Variants in SASH1 observed in about 807,000 individuals in gnomAD.
The protein encoded by SASH1 is SAM and SH3 domain-containing protein 1.
SASH1 carries 44 observed loss-of-function variants against 125.2 expected under a neutral mutation model. The observed-to-expected ratio is 0.35, with a 90% CI of 0.28 to 0.45. The LOEUF (loss-of-function observed/expected upper bound fraction) is 0.45, where lower values mean the gene tolerates loss of function less well. Among genes scored for constraint, SASH1 ranks in the 20% least tolerant of loss-of-function variants. The pLI, the probability that SASH1 is intolerant of heterozygous loss-of-function variation, is 1.00. For missense variants in SASH1, 1,426 were observed against 1,614.5 expected, an observed-to-expected ratio of 0.88 and a Z score of 2.00; for synonymous variants, 639 against 649.1, an observed-to-expected ratio of 0.98 and a Z score of 0.24.
intron 1 of SASH1, among the ~76,000 whole-genome samples, chr6:148,273,793 C>CTGGAAG (rs1779120309): frequency 6.6e-6 from 1 of 152,198 alleles, no homozygotes; most frequent in Admixed American, 6.5e-5. Flanking sequence ...AGGTGGGCTT[C>CTGGAAG]TGGAAGGCTG....
chr6:148,534,177 G>A (rs1720165146), intron 15 of SASH1, among the ~76,000 whole-genome samples, 197 bp downstream of exon 15: 1 of 152,162 alleles, frequency 6.6e-6, no homozygotes, highest in Non-Finnish European at 1.5e-5. Context: ...CACTGCCCTT[G>A]ACCTCAGCTG....
chr6:148,423,322 G>T (rs1312715079), intron 2 of SASH1, among the ~76,000 whole-genome samples: 7 of 152,216 alleles, frequency 4.6e-5, no homozygotes, highest in African/African-American at 1.7e-4. Context: ...TGTGGCTGAT[G>T]ATTTCAGAAT....
intron 8 of SASH1, among the ~76,000 whole-genome samples, chr6:148,502,138 T>G (rs1331791986): frequency 6.6e-6 from 1 of 152,228 alleles, no homozygotes; most frequent in Admixed American, 6.5e-5. Context: ...TCCGTCTCTT[T>G]CTTCAAATCT....
At chr6:148,334,523 A>G (rs1456214829) in intron 1 of SASH1, among the ~76,000 whole-genome samples, 2 of 150,582 alleles carry the variant, frequency 1.3e-5, no homozygotes, top group African/African-American at 4.9e-5. Context: ...CTAATTTAAG[A>G]ATTCGAGGCC....
At chr6:148,428,512 C>T (rs982051352) in intron 2 of SASH1, among the ~76,000 whole-genome samples, 6 of 150,724 alleles carry the variant, frequency 4.0e-5, no homozygotes, top group Non-Finnish European at 7.4e-5. Context: ...ATCTGTAATC[C>T]CAGCTACTCG....
At chr6:148,506,011 T>C (rs1480172724) in intron 8 of SASH1, among the ~76,000 whole-genome samples, 3 of 150,858 alleles carry the variant, frequency 2.0e-5, no homozygotes, top group Non-Finnish European at 3.0e-5. Context: ...GCTCGTGATC[T>C]GCCCACCTCG....
At chr6:148,443,022 C>T (rs984690044) in intron 4 of SASH1, among the ~76,000 whole-genome samples, 83 of 151,856 alleles carry the variant, frequency 5.5e-4, no homozygotes, top group African/African-American at 1.8e-3. Flanking sequence ...ATGATCTGCC[C>T]GCCTCAGCCT....
chr6:148,395,216 T>G (rs989377581), intron 2 of SASH1, among the ~76,000 whole-genome samples: 1 of 152,136 alleles, frequency 6.6e-6, no homozygotes, highest in Non-Finnish European at 1.5e-5. Context: ...ATTTTGGAGA[T>G]TGAAGAAATA....
At chr6:148,398,297 A>G (rs1235030057) in intron 2 of SASH1, among the ~76,000 whole-genome samples, 2 of 152,182 alleles carry the variant, frequency 1.3e-5, no homozygotes, top group African/African-American at 2.4e-5. Flanking sequence ...GCCAAGGTGA[A>G]CTTGTTCTTG....
intron 2 of SASH1, among the ~76,000 whole-genome samples, chr6:148,397,746 G>A (rs1022579369): frequency 2.0e-5 from 3 of 152,150 alleles, no homozygotes; most frequent in African/African-American, 7.2e-5. Context: ...TGCCCAATAA[G>A]TATTTGTTGA....
chr6:148,443,033 C>T (rs1298513382), intron 4 of SASH1, among the ~76,000 whole-genome samples: 1 of 151,930 alleles, frequency 6.6e-6, no homozygotes, highest in Non-Finnish European at 1.5e-5. Flanking sequence ...GCCTCAGCCT[C>T]CCAAAGTGCT....
At chr6:148,509,286 T>C (rs1404494331) in intron 8 of SASH1, 1 of 211,302 alleles carries the variant, frequency 4.7e-6, no homozygotes, top group East Asian at 1.2e-4. Flanking sequence ...AGCTGAAGTA[T>C]GTATGTCTAA....
chr6:148,257,397 G>C, the SASH1 span, among the ~76,000 whole-genome samples: 1 of 152,180 alleles, frequency 6.6e-6, no homozygotes. Context: ...TCATCTTAGA[G>C]ACAAAAGTTG....
At chr6:148,285,368 G>A (rs1779455145) in intron 1 of SASH1, among the ~76,000 whole-genome samples, 1 of 152,162 alleles carries the variant, frequency 6.6e-6, no homozygotes, top group Non-Finnish European at 1.5e-5. Context: ...CCTTGCTATG[G>A]TTGTGGCGTG....
the SASH1 span, among the ~76,000 whole-genome samples, chr6:148,229,719 C>CTTTTTT: frequency 1.6e-5 from 2 of 121,412 alleles, no homozygotes; most frequent in Non-Finnish European, 3.3e-5. Flanking sequence ...CGTCAGAGCA[C>CTTTTTT]TTTTTTTTTT....
chr6:148,504,872 G>A lies in SASH1; in HGVS notation c.730-9452G>A, dbSNP rs74741027. On this transcript the variant is annotated intron_variant, in intron 8 of 19. Transcript: ENST00000367467. ...ACTCCCTGAGAGGCGTGGCAGTGAG[G>A]TTAAAAAGGGGTGGACAAGGTCGGC... Among the ~76,000 whole-genome samples the A allele has an allele frequency of 1.3e-3, 200 of 152,240 alleles. 5 individuals are homozygous for A. The East Asian group carries it at 0.026, about 20-fold the overall frequency.
intron 2 of SASH1, among the ~76,000 whole-genome samples, chr6:148,411,595 G>A (rs886186055): frequency 6.6e-6 from 1 of 152,132 alleles, no homozygotes; most frequent in Non-Finnish European, 1.5e-5. Context: ...CCAGGCTGGA[G>A]TGCAATGGTG....
At chr6:148,215,459 C>A in the SASH1 span, among the ~76,000 whole-genome samples, 1 of 152,162 alleles carries the variant, frequency 6.6e-6, no homozygotes, top group Non-Finnish European at 1.5e-5. Context: ...CTAAATAAGT[C>A]TTCCACAACT....
At chr6:148,514,118 G>A (rs749201767) in intron 8 of SASH1, 80 of 1,312,836 alleles carry the variant, frequency 6.1e-5, no homozygotes, top group Middle Eastern at 2.9e-4. Flanking sequence ...GTGTGTTTCC[G>A]TGCCTAGGAC....
Sources: gnomAD v4.1 joint callset for allele counts (sites outside exome capture counted in the v4.1 genomes callset) on GRCh38, gnomAD v4.1.1 for gene constraint, MANE v1.5 for transcripts, NCBI Gene and HGNC (gene_info 2026-07-23, HGNC 2026-07-21) for gene names.